Variants in RANBP17 observed in about 807,000 individuals in gnomAD.
RANBP17 encodes ran-binding protein 17.
RANBP17 carries 158 observed loss-of-function variants against 141.2 expected under a neutral mutation model. The ratio of observed to expected loss-of-function variants is 1.12; its 90% confidence interval spans 0.98 to 1.28. RANBP17 has a LOEUF of 1.28. Ranked by LOEUF, RANBP17 falls within the 50% of genes most tolerant of loss-of-function variation. The probability of loss-of-function intolerance (pLI) is 0.00; values close to 1 mark genes in which losing one functional copy is unlikely to be tolerated. For synonymous variants in RANBP17, 430 were observed against 450.0 expected (o/e 0.96, Z 0.56); for missense variants, 1,438 against 1,290.7 (o/e 1.11, Z -1.75).
At chr5:171,204,716 ATCTCT>A (rs1423359978) in intron 19 of RANBP17, among the ~76,000 whole-genome samples, 1 of 152,170 alleles carries the variant, frequency 6.6e-6, no homozygotes, top group Non-Finnish European at 1.5e-5. Context: ...TACAAGTCAG[ATCTCT>A]TCTATTCAAG....
At chr5:171,171,531 T>C (rs752527198) in intron 16 of RANBP17, among the ~76,000 whole-genome samples, 1 of 152,052 alleles carries the variant, frequency 6.6e-6, no homozygotes, top group Non-Finnish European at 1.5e-5. Context: ...GTTACAGTTA[T>C]ATTTATACTC....
intron 14 of RANBP17, among the ~76,000 whole-genome samples, chr5:171,039,096 A>G (rs1782073590): frequency 6.6e-6 from 1 of 152,120 alleles, no homozygotes; most frequent in East Asian, 1.9e-4. Flanking sequence ...TATACCCAGT[A>G]ATGGGATTGC....
chr5:170,968,727 A>G (rs76181014), intron 14 of RANBP17: 5,464 of 457,994 alleles, frequency 0.012, 243 homozygotes, highest in African/African-American at 0.096. Flanking sequence ...ACACTTATTT[A>G]TTTATGTGGC....
Position 170,924,388 on chromosome 5 carries a change from G to A in RANBP17, c.1306G>A (p.Ala436Thr). ...CTTAGATGATCCACTGGATGATACT[G>A]CCACTGTGTTTCAGCAGTTGGAGCA... ...DHLDDPLDDTATVFQQLEQLC... is the reference protein window; with the variant it reads ...DHLDDPLDDTTTVFQQLEQLC... Residue 436 changes from alanine (A) to threonine (T), a missense_variant, in exon 12 of 28, where the codon GCC (alanine) becomes ACC (threonine). Ala to Thr is a moderately conservative substitution (Grantham distance 58, BLOSUM62 0). Coordinates refer to ENST00000523189, the MANE Select transcript of RANBP17 (RefSeq NM_022897.5). 2 of 1,603,712 alleles carry A rather than the reference G, an allele frequency of 1.2e-6. No individual in the cohort carries two copies. Among genetic ancestry groups the A allele is most frequent in the Non-Finnish European group, 8.5e-7 (1 of 1,171,658 alleles).
At chr5:170,880,623 T>G (rs1418324903) in intron 2 of RANBP17, among the ~76,000 whole-genome samples, 1 of 152,206 alleles carries the variant, frequency 6.6e-6, no homozygotes, top group African/African-American at 2.4e-5. Flanking sequence ...AATATTGTGA[T>G]GGGAATATTG....
intron 13 of RANBP17, among the ~76,000 whole-genome samples, chr5:170,962,008 G>T (rs1776187132): frequency 6.6e-6 from 1 of 152,184 alleles, no homozygotes; most frequent in South Asian, 2.1e-4. Context: ...TGTAATATAT[G>T]TAGATGTAAT....
chr5:171,199,766 A>G lies in RANBP17; in HGVS notation c.2135A>G (p.Asp712Gly), dbSNP rs779977198. ...QIFNNNFKQE[D>G]VKRMLIGLAR... ...TTCAACAACAACTTTAAACAAGAAG[A>G]TGTAAAGGTGGGTTTGTTTCCAAAT... The change falls in exon 19 of 28, where the codon GAT (aspartate) becomes GGT (glycine). Residue 712 changes from aspartate (D) to glycine (G), a missense_variant. Transcript: ENST00000523189. 1.9e-6 allele frequency: 3 copies of G among 1,587,262 alleles called. No individual in the cohort carries two copies. The highest frequency in any genetic ancestry group is 2.2e-5 in the East Asian group (1 of 44,504).
intron 24 of RANBP17, among the ~76,000 whole-genome samples, chr5:171,258,909 A>G (rs1766101967): frequency 6.6e-6 from 1 of 152,168 alleles, no homozygotes; most frequent in Non-Finnish European, 1.5e-5. Flanking sequence ...CTGAATCACA[A>G]AAGAAATAAC....
At chr5:171,035,373 A>G (rs1435537179) in intron 14 of RANBP17, among the ~76,000 whole-genome samples, 3 of 152,166 alleles carry the variant, frequency 2.0e-5, no homozygotes, top group Non-Finnish European at 2.9e-5. Flanking sequence ...ATAACATTAA[A>G]GTCTTTCTGT....
At chr5:170,938,904 T>C (rs889844334) in intron 12 of RANBP17, among the ~76,000 whole-genome samples, 1 of 152,176 alleles carries the variant, frequency 6.6e-6, no homozygotes, top group Non-Finnish European at 1.5e-5. Flanking sequence ...AGAATTTTTT[T>C]GACTTAATAG....
intron 14 of RANBP17, among the ~76,000 whole-genome samples, chr5:170,982,627 C>T (rs1266991376): frequency 6.6e-6 from 1 of 151,878 alleles, no homozygotes; most frequent in South Asian, 2.1e-4. Flanking sequence ...ATAGAGAATC[C>T]AGGAGGTCCA....
intron 24 of RANBP17, among the ~76,000 whole-genome samples, chr5:171,263,142 C>G (rs920203425): frequency 5.3e-5 from 8 of 152,182 alleles, no homozygotes; most frequent in Non-Finnish European, 1.2e-4. Context: ...TAATCTACGT[C>G]AGGCATACAT....
intron 25 of RANBP17, among the ~76,000 whole-genome samples, chr5:171,286,092 G>T (rs148069505): frequency 2.6e-5 from 4 of 152,314 alleles, no homozygotes; most frequent in African/African-American, 9.6e-5. Flanking sequence ...GGTTGGAAGA[G>T]TTTCTTAATT....
intron 14 of RANBP17, among the ~76,000 whole-genome samples, chr5:171,150,453 A>C (rs1232943179): frequency 3.9e-5 from 6 of 151,926 alleles, no homozygotes; most frequent in Non-Finnish European, 8.8e-5. Context: ...AAAGCATTAC[A>C]CAATTTGATG....
intron 14 of RANBP17, among the ~76,000 whole-genome samples, chr5:171,041,161 A>G (rs924717209): frequency 9.2e-5 from 14 of 152,108 alleles, no homozygotes; most frequent in Non-Finnish European, 1.5e-4. Context: ...TATGGCAGCT[A>G]ATTTCCCCAA....
At position 170,914,213 on chromosome 5, in the gene RANBP17, T is replaced by C; in HGVS notation, c.807T>C (p.His269=). The change falls in exon 8 of 28, where the codon CAT becomes CAC. Residue 269 remains histidine (H), a synonymous_variant. Coordinates refer to ENST00000523189, the MANE Select transcript of RANBP17 (RefSeq NM_022897.5). ...TGGATCTTTTCTTCAATTTGTATCA[T>C]TCACTTCCACCACTACTATCTCAGT... The part of the protein sequence containing the change: ...ETLDLFFNLY[H]SLPPLLSQLA... 2 of 1,609,770 alleles carry C rather than the reference T, an allele frequency of 1.2e-6. No homozygotes were observed. Among genetic ancestry groups the C allele is most frequent in the Non-Finnish European group, 1.7e-6 (2 of 1,176,496 alleles).
At chr5:171,223,017 A>G (rs910011724) in intron 22 of RANBP17, among the ~76,000 whole-genome samples, 4 of 152,224 alleles carry the variant, frequency 2.6e-5, no homozygotes, top group African/African-American at 7.2e-5. Flanking sequence ...TTGTGTATGT[A>G]TGTAAGAACA....
At chr5:171,192,492 C>G (rs1344148868) in intron 18 of RANBP17, among the ~76,000 whole-genome samples, 1 of 151,810 alleles carries the variant, frequency 6.6e-6, no homozygotes, top group South Asian at 2.1e-4. Flanking sequence ...ATTTTTTTTC[C>G]GGGAACTAAA....
intron 20 of RANBP17, chr5:171,206,850 T>A: frequency 5.5e-6 from 1 of 182,766 alleles, no homozygotes; most frequent in Non-Finnish European, 1.2e-5. Context: ...CAGATAAAAT[T>A]TTTATGTCAT....
Sources: gnomAD v4.1 joint callset for allele counts (sites outside exome capture counted in the v4.1 genomes callset) on GRCh38, gnomAD v4.1.1 for gene constraint, MANE v1.5 for transcripts, NCBI Gene and HGNC (gene_info 2026-07-23, HGNC 2026-07-21) for gene names.